The following SCN4B variants were observed in gnomAD, a reference collection of about 807,000 sequenced individuals.
The protein encoded by SCN4B is sodium voltage-gated channel beta subunit 4.
SCN4B carries 20 observed loss-of-function variants against 19.6 expected under a neutral mutation model. The ratio of observed to expected loss-of-function variants is 1.02; its 90% confidence interval spans 0.72 to 1.48. The LOEUF (loss-of-function observed/expected upper bound fraction) is 1.48, where lower values mean the gene tolerates loss of function less well. SCN4B is among the 40% of genes most tolerant of loss of function. SCN4B has a pLI of 0.00. For missense variants in SCN4B, 271 were observed against 287.5 expected (o/e 0.94, Z 0.42); for synonymous variants, 127 against 122.8 (o/e 1.03, Z -0.22).
chr11:118,135,687 G>A lies in SCN4B; in HGVS notation c.*1340C>T, dbSNP rs187754283. ...CCCTCTATGACCCTGGGGAGGGGAG[G>A]GCTGGCGAACCCTCACCAGCACCAC... On this transcript the variant is annotated 3_prime_UTR_variant, in exon 5 of 5. Coordinates refer to ENST00000324727, the MANE Select transcript of SCN4B (RefSeq NM_174934.4). The A allele has an allele frequency of 4.4e-6, 2 of 454,376 alleles. No homozygotes were observed. Among genetic ancestry groups the A allele is most frequent in the African/African-American group, 2.0e-5 (1 of 50,088 alleles). The allele number at this position is 454,376 out of a possible 1,614,324, so 28.1% of individuals were successfully genotyped here.
intron 1 of SCN4B, chr11:118,145,537 C>T: frequency 6.6e-6 from 8 of 1,211,662 alleles, no homozygotes; most frequent in South Asian, 1.5e-5. Flanking sequence ...AACCGCGCCC[C>T]GGCTCCGCCC....
chr11:118,151,776 A>G (rs1332152617), intron 1 of SCN4B, among the ~76,000 whole-genome samples: 1 of 152,210 alleles, frequency 6.6e-6, no homozygotes, highest in African/African-American at 2.4e-5. Context: ...AAGTCTGGCT[A>G]TGATTTATGA....
intron 4 of SCN4B, 113 bp downstream of exon 4, chr11:118,141,094 A>T: frequency 8.4e-7 from 1 of 1,190,164 alleles, no homozygotes; most frequent in Non-Finnish European, 1.2e-6. Context: ...AGAGAGCGGT[A>T]GGAATGGGAA....
intron 1 of SCN4B, among the ~76,000 whole-genome samples, chr11:118,147,940 C>T (rs531732409): frequency 9.9e-5 from 15 of 152,272 alleles, no homozygotes; most frequent in Non-Finnish European, 1.6e-4. Flanking sequence ...AAGATGCGTG[C>T]GAAAAGGAAA....
chr11:118,143,887 T>C lies in SCN4B; in HGVS notation c.409A>G (p.Lys137Glu). The change falls in exon 3 of 5, where the codon AAG becomes GAG. Residue 137 changes from lysine to glutamate, a missense_variant. By Grantham distance (56) the Lys-to-Glu change is moderately conservative. Transcript: ENST00000324727. ...GKYTCHVKNP[K>E]ENNLQHHATI... ...GCGTGGTGCTGGAGATTATTCTCCTTGGGGTTCTTCACATGGCAGGTGTAT... is the reference window on the plus strand; with the variant it reads ...GCGTGGTGCTGGAGATTATTCTCCTCGGGGTTCTTCACATGGCAGGTGTAT... 4.3e-6 allele frequency: 7 copies of C among 1,613,552 alleles called. No individual in the cohort carries two copies. The highest frequency in any genetic ancestry group is 5.9e-6 in the Non-Finnish European group (7 of 1,179,980).
rs544601685 is a variant in SCN4B, at chr11:118,138,972, C to T, written c.594-1852G>A. Among the ~76,000 whole-genome samples, 4 of 152,200 alleles carry T rather than the reference C, an allele frequency of 2.6e-5. No individual in the cohort carries two copies. In the East Asian group the frequency reaches 7.7e-4, roughly 29 times the overall value. ...ACTCCAAGGACCTCCCTCAGGCTTC[C>T]CTACGGTCTGTCCCCTGCCCCCAGG... On this transcript the variant is annotated intron_variant, in intron 4 of 4. Transcript: ENST00000324727.
At chr11:118,143,550 C>T (rs1948127182) in intron 3 of SCN4B, among the ~76,000 whole-genome samples, 1 of 152,170 alleles carries the variant, frequency 6.6e-6, no homozygotes, top group Non-Finnish European at 1.5e-5. Context: ...CAAAACACTA[C>T]CAGGTAGCTT....
In SCN4B at chr11:118,136,456, A is replaced by G. The variant is rs749445472; in HGVS notation, c.*571T>C. 8.8e-6 allele frequency: 4 copies of G among 453,742 alleles called. No individual in the cohort carries two copies. The highest frequency in any genetic ancestry group is 6.2e-5 in the South Asian group (4 of 64,468). 28.1% of individuals were successfully genotyped at this position (453,742 alleles called of 1,614,324 possible). A position where few individuals can be genotyped will look rare whatever the true frequency, so the allele number is the denominator to read the frequency against. ...GCAGATAGGGTCCCGGGGCAGGGGA[A>G]AGGAAGTTTCCTACTTGGAAGACTG... On this transcript the variant is annotated 3_prime_UTR_variant, in exon 5 of 5. Transcript: ENST00000324727.
chr11:118,144,954 G>T, intron 2 of SCN4B, 103 bp downstream of exon 2: 1 of 1,181,358 alleles, frequency 8.5e-7, no homozygotes, highest in Non-Finnish European at 1.3e-6. Flanking sequence ...GGTGGGTTCT[G>T]GGGACCATCG....
intron 1 of SCN4B, among the ~76,000 whole-genome samples, chr11:118,149,038 C>A (rs1437319333): frequency 1.3e-5 from 2 of 152,152 alleles, no homozygotes; most frequent in Non-Finnish European, 2.9e-5. Flanking sequence ...ATTTTCTTTG[C>A]CTTCTCTGAA....
Position 118,152,758 on chromosome 11 carries a change from G to T in SCN4B, c.-85C>A. ...GCTCTCCGCCCGAGGTCGGCGTTCGGCCACAAAGCTACCCCGGAGCTCTGC... is the reference window on the plus strand; with the variant it reads ...GCTCTCCGCCCGAGGTCGGCGTTCGTCCACAAAGCTACCCCGGAGCTCTGC... On this transcript the variant is annotated 5_prime_UTR_variant, in exon 1 of 5. Transcript: ENST00000324727. 1.8e-6 allele frequency: 2 copies of T among 1,096,684 alleles called. No individual in the cohort carries two copies. Among genetic ancestry groups the T allele is most frequent in the Non-Finnish European group, 1.3e-6 (1 of 772,356 alleles). The allele number at this position is 1,096,684 out of a possible 1,614,324, so 67.9% of individuals were successfully genotyped here. A position where few individuals can be genotyped will look rare whatever the true frequency, so the allele number is the denominator to read the frequency against.
rs1565451422 is a variant in SCN4B at position 118,134,844 on chromosome 11, A to T, written c.*2183T>A. 1 of 454,114 alleles carries T rather than the reference A, an allele frequency of 2.2e-6. No individual in the cohort carries two copies. Among genetic ancestry groups the T allele is most frequent in the Non-Finnish European group, 4.4e-6 (1 of 226,790 alleles). 28.1% of individuals were successfully genotyped at this position (454,114 alleles called of 1,614,324 possible). On this transcript the variant is annotated 3_prime_UTR_variant, in exon 5 of 5. Coordinates refer to ENST00000324727, the MANE Select transcript of SCN4B (RefSeq NM_174934.4). ...TTTTAGACAAAACTTGCCAAGCCTC[A>T]CAACAGTCCTGTGAGGTAGGTAAGT...
Position 118,138,046 on chromosome 11 carries a change from C to G in SCN4B, c.594-926G>C, listed in dbSNP as rs546702581. Among the ~76,000 whole-genome samples the G allele has an allele frequency of 2.0e-5, 3 of 152,246 alleles. No homozygotes were observed. The South Asian group carries it at 6.2e-4, about 32-fold the overall frequency. On this transcript the variant is annotated intron_variant, in intron 4 of 4. Coordinates refer to ENST00000324727, the MANE Select transcript of SCN4B (RefSeq NM_174934.4). ...GGGAAGACACCTCCCGGGAGGCGTT[C>G]CACCCTGACCGCTCTGAGCTGGACA...
intron 1 of SCN4B, 127 bp from the exon 2 acceptor site, chr11:118,145,356 G>C: frequency 6.5e-7 from 1 of 1,542,452 alleles, no homozygotes. Flanking sequence ...TGCCAACCTC[G>C]GGAGGATGGC....
intron 4 of SCN4B, among the ~76,000 whole-genome samples, chr11:118,138,855 CCCA>C (rs1469281557): frequency 1.3e-5 from 2 of 152,146 alleles, no homozygotes; most frequent in Non-Finnish European, 2.9e-5. Flanking sequence ...GGAAACAGCA[CCCA>C]CGTTTCAGAA....
rs1390440353 is a variant in SCN4B at position 118,134,316 on chromosome 11, T to G, written c.*2711A>C. The G allele has an allele frequency of 8.8e-6, 4 of 454,014 alleles. No homozygotes were observed. Among genetic ancestry groups the G allele is most frequent in the Non-Finnish European group, 1.8e-5 (4 of 226,812 alleles). 28.1% of individuals were successfully genotyped at this position (454,014 alleles called of 1,614,324 possible). A position where few individuals can be genotyped will look rare whatever the true frequency, so the allele number is the denominator to read the frequency against. On this transcript the variant is annotated 3_prime_UTR_variant, in exon 5 of 5. Transcript: ENST00000324727. ...CTGCATGTGGCCAGGTCTCTCAAGATCGACTTTGTAAGTGGCTCTCTCTAG... is the reference window on the plus strand; with the variant it reads ...CTGCATGTGGCCAGGTCTCTCAAGAGCGACTTTGTAAGTGGCTCTCTCTAG...
intron 3 of SCN4B, among the ~76,000 whole-genome samples, chr11:118,143,381 A>C (rs1485741103): frequency 6.6e-6 from 1 of 152,176 alleles, no homozygotes; most frequent in Non-Finnish European, 1.5e-5. Flanking sequence ...CTATTTATTT[A>C]TCTTCTGTCC....
intron 1 of SCN4B, among the ~76,000 whole-genome samples, chr11:118,152,049 C>T (rs374357079): frequency 2.6e-5 from 4 of 152,190 alleles, no homozygotes; most frequent in African/African-American, 9.7e-5. Flanking sequence ...CCCTCCAGCC[C>T]CTTCCAGCTT....
rs183235448 is a variant in SCN4B at position 118,151,512 on chromosome 11, G to A, written c.61+1101C>T. 4.7e-4 allele frequency among the ~76,000 whole-genome samples: 71 copies of A among 152,330 alleles called. 1 individual carries two copies. The highest frequency in any genetic ancestry group is 1.7e-3 in the African/African-American group (70 of 41,578). On this transcript the variant is annotated intron_variant, in intron 1 of 4. Transcript: ENST00000324727. ...AGGGTGTCTTCCATCTAGCGGTACA[G>A]AGGTAAATAAACATCCCAAGTACAA... is the stretch of plus-strand genomic sequence containing the variant.
Sources: allele counts gnomAD v4.1 joint callset (sites outside exome capture counted in the v4.1 genomes callset), GRCh38; gene constraint gnomAD v4.1.1; transcripts MANE v1.5; gene names NCBI Gene and HGNC (gene_info 2026-07-23, HGNC 2026-07-21).